The following TSPAN11 variants were observed in gnomAD, a reference collection of about 807,000 sequenced individuals.
The protein encoded by TSPAN11 is tetraspanin-11.
Under a neutral mutation model 32.9 loss-of-function variants are expected in TSPAN11, and 29 were observed. The observed-to-expected ratio is 0.88, with a 90% CI of 0.66 to 1.20. The LOEUF is 1.20. TSPAN11 is among the 50% of genes most tolerant of loss of function. The probability of loss-of-function intolerance (pLI) is 0.00; values close to 1 mark genes in which losing one functional copy is unlikely to be tolerated. For missense variants in TSPAN11, 283 were observed against 329.1 expected (o/e 0.86, Z 1.08); for synonymous variants, 140 against 141.3 (o/e 0.99, Z 0.07).
At chr12:31,003,991 G>A in the TSPAN11 span, among the ~76,000 whole-genome samples, 1 of 152,194 alleles carries the variant, frequency 6.6e-6, no homozygotes, top group Non-Finnish European at 1.5e-5. Flanking sequence ...ACTAGGAGCT[G>A]GGTGGCCATG....
chr12:30,972,924 T>G (rs913595659), intron 3 of TSPAN11, among the ~76,000 whole-genome samples: 4 of 151,982 alleles, frequency 2.6e-5, no homozygotes, highest in African/African-American at 7.3e-5. Flanking sequence ...CAGGGAGGGC[T>G]TCCCTGGGCT....
chr12:30,963,810 C>T lies in TSPAN11; in HGVS notation c.85-16C>T, dbSNP rs11051187. On this transcript the variant is annotated splice_polypyrimidine_tract_variant and intron_variant, in intron 2 of 7. Transcript: ENST00000546076. ...GCCCCCGCCACCCCCTGCTCTAACC[C>T]GGTGGTCTCCTGCAGGTCGGGGGAG... The T allele has an allele frequency of 0.097, 154,769 of 1,602,788 alleles. 8,046 individuals are homozygous for T. The highest frequency in any genetic ancestry group is 0.12 in the South Asian group (10,562 of 90,674).
intron 1 of TSPAN11, among the ~76,000 whole-genome samples, chr12:30,933,922 C>T (rs1644676477): frequency 6.6e-6 from 1 of 152,190 alleles, no homozygotes; most frequent in South Asian, 2.1e-4. Context: ...TATACCCCTT[C>T]CCTTCACACC....
Position 30,932,784 on chromosome 12 carries a change from C to T in TSPAN11, c.-12+5988C>T, listed in dbSNP as rs111776591. Among the ~76,000 whole-genome samples, 264 of 152,272 alleles carry T rather than the reference C, an allele frequency of 1.7e-3. 1 individual carries two copies. The highest frequency in any genetic ancestry group is 6.2e-3 in the African/African-American group (256 of 41,548). ...GAACTGTCTTTTAGGCTTACTGCTACGCCATGGTATCCTGTTTCGGAGACA... is the reference window on the plus strand; with the variant it reads ...GAACTGTCTTTTAGGCTTACTGCTATGCCATGGTATCCTGTTTCGGAGACA... On this transcript the variant is annotated intron_variant, in intron 1 of 7. Coordinates refer to ENST00000546076, the MANE Select transcript of TSPAN11 (RefSeq NM_001370302.1).
rs1031554401 is a variant in TSPAN11, at chr12:30,963,930, C to A, written c.189C>A (p.Ile63=). The A allele has an allele frequency of 6.2e-7, 1 of 1,613,988 alleles. No individual in the cohort carries two copies. The highest frequency in any genetic ancestry group is 2.2e-5 in the East Asian group (1 of 44,886). The change falls in exon 3 of 8, where the codon ATC becomes ATA. Residue 63 remains isoleucine (I), a synonymous_variant. Coordinates refer to ENST00000546076, the MANE Select transcript of TSPAN11 (RefSeq NM_001370302.1). ...ASSTFAASAY[I]LIFAGVLVMV... ...GCACCTTTGCCGCCTCCGCCTACATCCTCATCTTTGCGGGCGTACTTGTCA... is the reference window on the plus strand; with the variant it reads ...GCACCTTTGCCGCCTCCGCCTACATACTCATCTTTGCGGGCGTACTTGTCA...
rs901170487 is a variant in TSPAN11 at position 30,995,789 on chromosome 12, A to G, written c.*3874A>G. 4.0e-5 allele frequency: 2 copies of G among 50,336 alleles called. No homozygotes were observed. Among genetic ancestry groups the G allele is most frequent in the African/African-American group, 1.2e-4 (1 of 8,344 alleles). 3.1% of individuals were successfully genotyped at this position (50,336 alleles called of 1,614,324 possible). A position where few individuals can be genotyped will look rare whatever the true frequency, so the allele number is the denominator to read the frequency against. On this transcript the variant is annotated 3_prime_UTR_variant, in exon 8 of 8. Coordinates refer to ENST00000546076, the MANE Select transcript of TSPAN11 (RefSeq NM_001370302.1). ...GAATCACCTGGAAGGGCTTTTACAA[A>G]CAGATTGCTGGCCCCACCCCCCAGA...
At chr12:30,965,130 C>T (rs1265431762) in intron 3 of TSPAN11, among the ~76,000 whole-genome samples, 2 of 152,260 alleles carry the variant, frequency 1.3e-5, no homozygotes, top group African/African-American at 2.4e-5. Flanking sequence ...TGTAGCGCAG[C>T]CCGGGGATGT....
chr12:30,957,837 C>CTCCT (rs1222730421), intron 2 of TSPAN11, among the ~76,000 whole-genome samples: 1 of 10,894 alleles, frequency 9.2e-5, no homozygotes, highest in Non-Finnish European at 1.9e-4. Flanking sequence ...CCCTCCCTCC[C>CTCCT]TCCTTCCTTC....
chr12:30,949,016 A>G (rs1938324550), intron 1 of TSPAN11, among the ~76,000 whole-genome samples: 1 of 152,242 alleles, frequency 6.6e-6, no homozygotes, highest in South Asian at 2.1e-4. Flanking sequence ...TAGGGCACGG[A>G]CAAAATGCTG....
chr12:30,998,951 A>G (rs1244932457), downstream of TSPAN11: 2 of 152,208 alleles, frequency 1.3e-5, no homozygotes, highest in Non-Finnish European at 2.9e-5. Context: ...AAAGAAATAT[A>G]TTGAGAATAT....
chr12:30,978,068 C>A (rs781774718), intron 3 of TSPAN11, among the ~76,000 whole-genome samples: 3 of 152,192 alleles, frequency 2.0e-5, no homozygotes, highest in Non-Finnish European at 4.4e-5. Flanking sequence ...GTTCTCCCCT[C>A]TTCCTGGAAT....
At chr12:30,988,898 G>C (rs1005307464) in intron 7 of TSPAN11, among the ~76,000 whole-genome samples, 2 of 152,204 alleles carry the variant, frequency 1.3e-5, no homozygotes, top group African/African-American at 4.8e-5. Flanking sequence ...GAATCTGGAG[G>C]CACTCCACTT....
chr12:30,967,191 T>G (rs1938750818), intron 3 of TSPAN11, among the ~76,000 whole-genome samples: 1 of 152,238 alleles, frequency 6.6e-6, no homozygotes, highest in Non-Finnish European at 1.5e-5. Flanking sequence ...ACACCATCTG[T>G]TCATGAGATC....
rs1939402414 is a variant in TSPAN11, at chr12:30,995,683, A to G, written c.*3768A>G. On this transcript the variant is annotated 3_prime_UTR_variant, in exon 8 of 8. Transcript: ENST00000546076. Reference sequence around the variant, plus strand: ...GGAAAACATTCTTGATATACTGGCCATGCTGGGCCGGGCTCACATCCACTG... The same window carrying G: ...GGAAAACATTCTTGATATACTGGCCGTGCTGGGCCGGGCTCACATCCACTG... 1 of 152,198 alleles carries G rather than the reference A, an allele frequency of 6.6e-6. No homozygotes were observed. The highest frequency in any genetic ancestry group is 1.5e-5 in the Non-Finnish European group (1 of 68,054). 9.4% of individuals were successfully genotyped at this position (152,198 alleles called of 1,614,324 possible).
intron 1 of TSPAN11, among the ~76,000 whole-genome samples, chr12:30,941,244 G>A (rs555291065): frequency 5.3e-5 from 8 of 152,332 alleles, no homozygotes; most frequent in African/African-American, 1.4e-4. Flanking sequence ...CTGCGGGACC[G>A]ACTGCCAACC....
At chr12:30,979,822 G>A in intron 5 of TSPAN11, 152 bp downstream of exon 5, 1 of 740,464 alleles carries the variant, frequency 1.4e-6, no homozygotes, top group Non-Finnish European at 2.2e-6. Flanking sequence ...TAGGGCACAT[G>A]AGCATTAAAC....
intron 3 of TSPAN11, among the ~76,000 whole-genome samples, chr12:30,977,680 T>C (rs1407869447): frequency 6.6e-6 from 1 of 151,970 alleles, no homozygotes; most frequent in East Asian, 1.9e-4. Context: ...GCCTGTTGGC[T>C]CCTGCAAGCA....
the TSPAN11 span, among the ~76,000 whole-genome samples, chr12:31,006,721 T>C: frequency 6.6e-6 from 1 of 152,242 alleles, no homozygotes; most frequent in African/African-American, 2.4e-5. Context: ...GCACAGCAGG[T>C]AAACTGAGGC....
intron 1 of TSPAN11, among the ~76,000 whole-genome samples, chr12:30,949,399 A>T (rs998599221): frequency 6.6e-6 from 1 of 152,204 alleles, no homozygotes; most frequent in East Asian, 1.9e-4. Flanking sequence ...ACAGTTCCAC[A>T]TGGCTGGGGA....
Sources: gnomAD v4.1 joint callset for allele counts (sites outside exome capture counted in the v4.1 genomes callset) on GRCh38, gnomAD v4.1.1 for gene constraint, MANE v1.5 for transcripts, NCBI Gene and HGNC (gene_info 2026-07-23, HGNC 2026-07-21) for gene names.